TAFA2: variants seen among roughly 807,000 people sequenced by gnomAD.
TAFA2 encodes TAFA chemokine like family member 2.
A neutral mutation model predicts 18.8 loss-of-function variants in TAFA2; 7 were observed. That is an observed-to-expected ratio of 0.37 (90% CI 0.21 to 0.70). The LOEUF (loss-of-function observed/expected upper bound fraction) is 0.70. TAFA2 is among the 30% of genes least tolerant of loss of function. The pLI, the probability that TAFA2 is intolerant of heterozygous loss-of-function variation, is 0.53. For synonymous variants in TAFA2, 60 were observed against 54.2 expected (o/e 1.11, Z -0.47); for missense variants, 122 against 158.1 (o/e 0.77, Z 1.23).
intron 1 of TAFA2, among the ~76,000 whole-genome samples, chr12:62,017,497 T>A (rs1880977347): frequency 6.6e-6 from 1 of 151,952 alleles, no homozygotes; most frequent in Non-Finnish European, 1.5e-5. Context: ...CATTAAGGAG[T>A]TAGTAATCCA....
At chr12:62,073,966 T>A (rs964675486) in intron 1 of TAFA2, among the ~76,000 whole-genome samples, 5 of 152,252 alleles carry the variant, frequency 3.3e-5, no homozygotes, top group Non-Finnish European at 4.4e-5. Context: ...TGCCATAGTA[T>A]ACAATACAAA....
At chr12:62,037,230 C>T (rs1484704328) in intron 1 of TAFA2, among the ~76,000 whole-genome samples, 3 of 152,192 alleles carry the variant, frequency 2.0e-5, no homozygotes, top group African/African-American at 7.2e-5. Flanking sequence ...ACTTACTGTT[C>T]CTTCTCCATC....
intron 1 of TAFA2, among the ~76,000 whole-genome samples, chr12:61,878,804 A>G (rs1380439424): frequency 6.6e-6 from 1 of 152,156 alleles, no homozygotes; most frequent in Admixed American, 6.5e-5. Flanking sequence ...GACAAACCAT[A>G]CAGTATAGTT....
At chr12:61,776,365 C>G (rs918007586) in intron 2 of TAFA2, 4 of 170,430 alleles carry the variant, frequency 2.3e-5, no homozygotes, top group African/African-American at 9.6e-5. Flanking sequence ...CGGAAAGGAG[C>G]CTGGGCTGCT....
rs1318295006 is a variant in TAFA2 at position 61,878,061 on chromosome 12, T to C, written c.-1-10635A>G. On this transcript the variant is annotated intron_variant, in intron 1 of 4. Transcript: ENST00000416284. ...AAGCCAGACACAAAAGTACAAATACTGTGTGGTCCTACTTACATGAGAGAT... is the reference window on the plus strand; with the variant it reads ...AAGCCAGACACAAAAGTACAAATACCGTGTGGTCCTACTTACATGAGAGAT... The C allele has an allele frequency of 2.9e-5, 13 of 454,780 alleles. No homozygotes were observed. The East Asian group carries it at 7.6e-4, about 27-fold the overall frequency. The allele number at this position is 454,780 out of a possible 1,614,324, so 28.2% of individuals were successfully genotyped here.
intron 1 of TAFA2, among the ~76,000 whole-genome samples, chr12:61,998,339 C>T (rs977630502): frequency 6.6e-6 from 1 of 152,072 alleles, no homozygotes; most frequent in African/African-American, 2.4e-5. Flanking sequence ...TTTTTAAACA[C>T]CTTTTGCATG....
chr12:62,133,961 C>T (rs1365540187), intron 1 of TAFA2, among the ~76,000 whole-genome samples: 1 of 152,062 alleles, frequency 6.6e-6, no homozygotes, highest in Non-Finnish European at 1.5e-5. Context: ...CTAACTTCAT[C>T]TCACGATACT....
At chr12:61,803,309 T>C (rs1158956331) in intron 2 of TAFA2, among the ~76,000 whole-genome samples, 1 of 151,914 alleles carries the variant, frequency 6.6e-6, no homozygotes, top group Non-Finnish European at 1.5e-5. Flanking sequence ...AAGTGTACCA[T>C]GCAATAGAAT....
rs117680414 is a variant in TAFA2 at position 62,163,093 on chromosome 12, T to G, written c.-2+28166A>C. Among the ~76,000 whole-genome samples the G allele has an allele frequency of 2.4e-3, 366 of 152,176 alleles. 11 individuals carry two copies. In the East Asian group the frequency reaches 0.06, roughly 25 times the overall value. On this transcript the variant is annotated intron_variant, in intron 1 of 4. Coordinates refer to ENST00000416284, the MANE Select transcript of TAFA2 (RefSeq NM_178539.5). ...CATAGGAGCTGGAAGACAAAACCAGTAATGGAAGTCAGGACAATAGACAGA... is the reference window on the plus strand; with the variant it reads ...CATAGGAGCTGGAAGACAAAACCAGGAATGGAAGTCAGGACAATAGACAGA...
At chr12:61,920,192 T>C (rs1343394516) in intron 1 of TAFA2, among the ~76,000 whole-genome samples, 1 of 152,136 alleles carries the variant, frequency 6.6e-6, no homozygotes, top group Admixed American at 6.6e-5. Flanking sequence ...CAATTGACAG[T>C]TAAATAAATC....
chr12:62,055,263 T>C (rs971317490), intron 1 of TAFA2, among the ~76,000 whole-genome samples: 5 of 152,176 alleles, frequency 3.3e-5, no homozygotes, highest in African/African-American at 1.2e-4. Flanking sequence ...AACAACACGG[T>C]CATTTGTATT....
intron 1 of TAFA2, among the ~76,000 whole-genome samples, chr12:62,106,430 G>A (rs1435730432): frequency 6.6e-6 from 1 of 152,150 alleles, no homozygotes; most frequent in African/African-American, 2.4e-5. Flanking sequence ...ACACTAAGGA[G>A]AGTCCTAAAT....
chr12:62,053,720 A>C (rs2136777634), intron 1 of TAFA2, among the ~76,000 whole-genome samples: 1 of 152,306 alleles, frequency 6.6e-6, no homozygotes, highest in Admixed American at 6.5e-5. Flanking sequence ...ACATAGTGGA[A>C]TGAAATTCCC....
intron 1 of TAFA2, among the ~76,000 whole-genome samples, chr12:61,981,824 G>A (rs1253006508): frequency 1.3e-5 from 2 of 151,890 alleles, no homozygotes; most frequent in Non-Finnish European, 2.9e-5. Context: ...TGCTGGAGAG[G>A]ATGTCCCACT....
intron 2 of TAFA2, among the ~76,000 whole-genome samples, chr12:61,862,822 T>A (rs113748668): frequency 6.6e-6 from 1 of 152,182 alleles, no homozygotes; most frequent in Non-Finnish European, 1.5e-5. Context: ...TATTTAAAAA[T>A]TATATTCCCT....
chr12:62,211,705 C>T (rs566959214), intron 1 of TAFA2, among the ~76,000 whole-genome samples: 3 of 152,190 alleles, frequency 2.0e-5, no homozygotes, highest in African/African-American at 7.2e-5. Flanking sequence ...CTGAGTCAAC[C>T]GCTATTGTGA....
chr12:61,922,876 C>G (rs1317661419), intron 1 of TAFA2, among the ~76,000 whole-genome samples: 4 of 152,160 alleles, frequency 2.6e-5, no homozygotes, highest in Non-Finnish European at 5.9e-5. Context: ...ACACAGCAAT[C>G]TGAAGTCAAC....
At chr12:61,950,132 C>CAT (rs1266209127) in intron 1 of TAFA2, among the ~76,000 whole-genome samples, 1 of 152,004 alleles carries the variant, frequency 6.6e-6, no homozygotes, top group Non-Finnish European at 1.5e-5. Context: ...TATTTCATTG[C>CAT]ATATATATAT....
At chr12:61,812,134 G>A (rs1236006119) in intron 2 of TAFA2, among the ~76,000 whole-genome samples, 1 of 151,348 alleles carries the variant, frequency 6.6e-6, no homozygotes, top group Non-Finnish European at 1.5e-5. Context: ...GGAGTTTCCA[G>A]GAGACAAGAC....
Sources: gnomAD v4.1 joint callset for allele counts (sites outside exome capture counted in the v4.1 genomes callset) on GRCh38, gnomAD v4.1.1 for gene constraint, MANE v1.5 for transcripts, NCBI Gene and HGNC (gene_info 2026-07-23, HGNC 2026-07-21) for gene names.